Variants in PCDH11Y observed in about 807,000 individuals in gnomAD.
PCDH11Y encodes protocadherin-11 Y-linked.
For missense variants in PCDH11Y, 12 were observed against 224.8 expected (o/e 0.05, Z 6.05); for synonymous variants, 9 against 83.6 (o/e 0.11, Z 4.87).
At chrY:5,369,349 C>T in intron 2 of PCDH11Y, among the ~76,000 whole-genome samples, 3 of 33,118 alleles carry the variant, frequency 9.1e-5, no homozygotes, top group African/African-American at 2.3e-4. Flanking sequence ...ATAGTGAATA[C>T]GTCTTATGAG....
chrY:5,265,725 A>AT (rs2053024819), intron 2 of PCDH11Y, among the ~76,000 whole-genome samples: 1 of 24,947 alleles, frequency 4.0e-5, no homozygotes, highest in Non-Finnish European at 9.0e-5. Flanking sequence ...TATACAATAT[A>AT]TTTTTACCAA....
chrY:5,162,665 AAT>A (rs2052875484), intron 2 of PCDH11Y, among the ~76,000 whole-genome samples: 1 of 33,151 alleles, frequency 3.0e-5, no homozygotes, highest in Non-Finnish European at 7.5e-5. Flanking sequence ...AAAAGACTCA[AAT>A]CAAACTTCCA....
chrY:5,058,296 ATTAC>A (rs2052668159), intron 1 of PCDH11Y, among the ~76,000 whole-genome samples: 1 of 32,625 alleles, frequency 3.1e-5, no homozygotes, highest in African/African-American at 1.2e-4. Context: ...ATTCTTTTAA[ATTAC>A]TTATATGTTA....
At chrY:5,029,922 CAAA>C (rs2052586779) in intron 1 of PCDH11Y, among the ~76,000 whole-genome samples, 2 of 5,221 alleles carry the variant, frequency 3.8e-4, no homozygotes, top group East Asian at 9.4e-3. Context: ...GACTCTGTCT[CAAA>C]AAAAAAAAAA....
intron 2 of PCDH11Y, among the ~76,000 whole-genome samples, chrY:5,188,059 G>C: frequency 3.0e-5 from 1 of 33,698 alleles, no homozygotes; most frequent in Non-Finnish European, 7.4e-5. Flanking sequence ...AATGCCACCA[G>C]TCTCTTTGCT....
At chrY:5,405,238 G>T in intron 2 of PCDH11Y, among the ~76,000 whole-genome samples, 2 of 11,833 alleles carry the variant, frequency 1.7e-4, no homozygotes, top group African/African-American at 8.0e-4. Flanking sequence ...GAGTGCAGTG[G>T]CACATACATG....
chrY:5,153,927 C>A (rs2052866196), intron 2 of PCDH11Y, among the ~76,000 whole-genome samples: 2 of 21,249 alleles, frequency 9.4e-5, no homozygotes, highest in Non-Finnish European at 2.1e-4. Context: ...AGATAAACCA[C>A]GGCAGGAAGG....
intron 1 of PCDH11Y, among the ~76,000 whole-genome samples, chrY:5,013,628 TA>T (rs2052556485): frequency 3.0e-5 from 1 of 33,371 alleles, no homozygotes; most frequent in Non-Finnish European, 7.4e-5. Context: ...ATGGATTAAT[TA>T]TATTCATTAG....
chrY:5,120,429 A>G, intron 2 of PCDH11Y, among the ~76,000 whole-genome samples: 1 of 31,184 alleles, frequency 3.2e-5, no homozygotes, highest in African/African-American at 1.3e-4. Flanking sequence ...TCTCAGATCA[A>G]CAGTCTAGGT....
At chrY:5,335,006 A>G (rs2053135032) in intron 2 of PCDH11Y, among the ~76,000 whole-genome samples, 1 of 31,000 alleles carries the variant, frequency 3.2e-5, no homozygotes, top group Non-Finnish European at 7.8e-5. Context: ...GAGGGCTCCA[A>G]ATTTAAAGGG....
intron 1 of PCDH11Y, among the ~76,000 whole-genome samples, chrY:5,069,615 T>C: frequency 3.3e-5 from 1 of 30,508 alleles, no homozygotes; most frequent in Non-Finnish European, 7.7e-5. Flanking sequence ...GAGGAATTTT[T>C]TTTTTGTTTT....
At chrY:5,440,152 A>C (rs2124681593) in intron 2 of PCDH11Y, among the ~76,000 whole-genome samples, 3 of 34,167 alleles carry the variant, frequency 8.8e-5, no homozygotes, top group African/African-American at 3.4e-4. Flanking sequence ...TATGTAATGA[A>C]TCACTCTAAA....
At chrY:5,176,629 A>G in intron 2 of PCDH11Y, among the ~76,000 whole-genome samples, 1 of 32,308 alleles carries the variant, frequency 3.1e-5, no homozygotes, top group Non-Finnish European at 7.6e-5. Context: ...TGGCAGTATT[A>G]TGGGTGTGGT....
intron 4 of PCDH11Y, among the ~76,000 whole-genome samples, chrY:5,624,306 T>C: frequency 3.1e-5 from 1 of 32,413 alleles, no homozygotes; most frequent in Non-Finnish European, 7.6e-5. Flanking sequence ...ATTCTGCTGA[T>C]AGTTGTTTTT....
intron 2 of PCDH11Y, among the ~76,000 whole-genome samples, chrY:5,295,699 G>A (rs1602900452): frequency 1.8e-4 from 6 of 33,761 alleles, no homozygotes; most frequent in African/African-American, 3.4e-4. Context: ...ACTCTTATAT[G>A]TGCCCTTTTT....
chrY:5,615,647 G>A, intron 4 of PCDH11Y, among the ~76,000 whole-genome samples: 2 of 33,109 alleles, frequency 6.0e-5, no homozygotes, highest in African/African-American at 2.4e-4. Flanking sequence ...ATCATTGGAG[G>A]AAAAGTAACT....
intron 2 of PCDH11Y, among the ~76,000 whole-genome samples, chrY:5,244,451 G>C (rs2124655935): frequency 3.0e-5 from 1 of 33,343 alleles, no homozygotes; most frequent in African/African-American, 1.2e-4. Flanking sequence ...CATCAGGACT[G>C]ACTCGGCAGC....
At chrY:5,595,734 C>G (rs2124698970) in intron 4 of PCDH11Y, among the ~76,000 whole-genome samples, 2 of 33,553 alleles carry the variant, frequency 6.0e-5, no homozygotes, top group African/African-American at 1.2e-4. Flanking sequence ...ATAACTAAAT[C>G]TGGTTTGTCT....
At chrY:5,561,453 T>C (rs2124695167) in intron 3 of PCDH11Y, among the ~76,000 whole-genome samples, 1 of 27,633 alleles carries the variant, frequency 3.6e-5, no homozygotes, top group South Asian at 9.4e-4. Context: ...AAATCTCATC[T>C]TTAATTGTAA....
Sources: gnomAD v4.1 joint callset for allele counts (sites outside exome capture counted in the v4.1 genomes callset) on GRCh38, gnomAD v4.1.1 for gene constraint, MANE v1.5 for transcripts, NCBI Gene and HGNC (gene_info 2026-07-23, HGNC 2026-07-21) for gene names.